Variants in CLCN2 observed in about 807,000 individuals in gnomAD.
CLCN2 encodes chloride voltage-gated channel 2.
Under a neutral mutation model 108.3 loss-of-function variants are expected in CLCN2, and 72 were observed. The ratio of observed to expected loss-of-function variants is 0.66; its 90% confidence interval spans 0.55 to 0.81. The LOEUF (loss-of-function observed/expected upper bound fraction) is 0.81, where lower values mean the gene tolerates loss of function less well. CLCN2 is among the 30% of genes least tolerant of loss of function. The pLI is 0.00. For synonymous variants in CLCN2, 471 were observed against 467.1 expected, an observed-to-expected ratio of 1.01 and a Z score of -0.11; for missense variants, 1,048 against 1,205.2, an observed-to-expected ratio of 0.87 and a Z score of 1.93.
intron 1 of CLCN2, among the ~76,000 whole-genome samples, chr3:184,360,939 G>A (rs1319161666): frequency 6.6e-6 from 1 of 152,252 alleles, no homozygotes; most frequent in African/African-American, 2.4e-5. Flanking sequence ...GCTGGGTGTG[G>A]AGCCTCCAGA....
chr3:184,357,794 A>G lies in CLCN2; in HGVS notation c.678T>C (p.Phe226=). The G allele has an allele frequency of 1.2e-6, 2 of 1,614,014 alleles. No homozygotes were observed. Among genetic ancestry groups the G allele is most frequent in the Non-Finnish European group, 1.7e-6 (2 of 1,180,014 alleles). The change falls in exon 6 of 24, where the codon TTT becomes TTC. Residue 226 remains phenylalanine, a synonymous_variant. Transcript: ENST00000265593. The part of the protein sequence containing the change: ...AALLSKFLSL[F]GGIYENESRN... ...TTCCCCTTACCTCATAGATACCCCCAAAGAGGGAGAGGAACTTGCTGAGAA... is the reference window on the plus strand; with the variant it reads ...TTCCCCTTACCTCATAGATACCCCCGAAGAGGGAGAGGAACTTGCTGAGAA...
At chr3:184,358,845 T>C (rs1173020129) in intron 2 of CLCN2, 32 bp from the exon 3 acceptor site, 1 of 1,613,916 alleles carries the variant, frequency 6.2e-7, no homozygotes, top group South Asian at 1.1e-5. Flanking sequence ...AGGGGGAGGA[T>C]GGCACCAAAG....
chr3:184,361,327 A>G lies in CLCN2; in HGVS notation c.63+90T>C. ...CAGCTCAAAATGCTAGGACAGGATTAGGGTAGGCCCCTGGTCCTCGCGCTT... is the reference window on the plus strand; with the variant it reads ...CAGCTCAAAATGCTAGGACAGGATTGGGGTAGGCCCCTGGTCCTCGCGCTT... On this transcript the variant is annotated intron_variant, in intron 1 of 23. Transcript: ENST00000265593. This position sits in a 1 kb window ranked among gnomAD's most constrained non-coding sequence, Gnocchi z 6.6. 1 of 1,315,182 alleles carries G rather than the reference A, an allele frequency of 7.6e-7. No homozygotes were observed. Among genetic ancestry groups the G allele is most frequent in the African/African-American group, 1.4e-5 (1 of 69,278 alleles). 81.5% of individuals were successfully genotyped at this position (1,315,182 alleles called of 1,614,324 possible).
At chr3:184,354,059 T>G (rs756597060) in intron 15 of CLCN2, 42 bp downstream of exon 15, 23 of 1,587,402 alleles carry the variant, frequency 1.4e-5, no homozygotes, top group Non-Finnish European at 1.9e-5. Flanking sequence ...GGATGCCCTC[T>G]GCCCTTCACC....
In CLCN2 at chr3:184,359,151, G is replaced by T. The variant is rs769764190; in HGVS notation, c.64-20C>A. 11 of 1,613,392 alleles carry T rather than the reference G, an allele frequency of 6.8e-6. No homozygotes were observed. The South Asian group carries it at 1.1e-4, about 16-fold the overall frequency. Reference sequence around the variant, plus strand: ...ATACATCTGGAGCAACAGAGGGGATGGGGGCATTCGAGGTCATGGGCTGAG... The same window carrying T: ...ATACATCTGGAGCAACAGAGGGGATTGGGGCATTCGAGGTCATGGGCTGAG... On this transcript the variant is annotated intron_variant, in intron 1 of 23. Transcript: ENST00000265593.
chr3:184,357,981 C>T lies in CLCN2; in HGVS notation c.596G>A (p.Gly199Glu), dbSNP rs863225248. Reference protein sequence around the residue: ...VIGLTCALGSGMPLGKEGPFV... With the variant: ...VIGLTCALGSEMPLGKEGPFV... ...AGTTACCTCTTTGCCAAGCGGCATC[C>T]CGCTGCCTAGGGCGCAGGTCAGCCC... is the stretch of plus-strand genomic sequence containing the variant. Residue 199 changes from glycine to glutamate, a missense_variant, in exon 5 of 24, where the codon GGG becomes GAG. By Grantham distance (98) the Gly-to-Glu change is moderately conservative. Coordinates refer to ENST00000265593, the MANE Select transcript of CLCN2 (RefSeq NM_004366.6). The T allele has an allele frequency of 1.1e-5, 18 of 1,613,946 alleles. No homozygotes were observed. The highest frequency in any genetic ancestry group is 1.5e-5 in the Non-Finnish European group (18 of 1,180,050).
In CLCN2 at chr3:184,361,356, A is replaced by T. The variant is rs1039184900; in HGVS notation, c.63+61T>A. ...TAGGCCCCTGGTCCTCGCGCTTCCC[A>T]GGGTAACCTGGAGCAGGGGTCCCGG... On this transcript the variant is annotated intron_variant, in intron 1 of 23. Transcript: ENST00000265593. The surrounding 1 kb of genome is among the most constrained non-coding windows in gnomAD (Gnocchi z 6.6). 2.9e-5 allele frequency: 46 copies of T among 1,564,370 alleles called. No individual in the cohort carries two copies. The Admixed American group carries it at 7.3e-4, about 25-fold the overall frequency.
chr3:184,360,508 C>G (rs751643927), intron 1 of CLCN2, among the ~76,000 whole-genome samples: 9 of 152,116 alleles, frequency 5.9e-5, no homozygotes, highest in Admixed American at 2.6e-4. Flanking sequence ...CCTGATTCAT[C>G]CAGCTACTTT....
chr3:184,357,485 C>T lies in CLCN2; in HGVS notation c.775G>A (p.Val259Ile), dbSNP rs757549500. Residue 259 changes from valine (V) to isoleucine (I), a missense_variant and splice_region_variant, in exon 8 of 24, where the codon GTC (valine) becomes ATC (isoleucine). Transcript: ENST00000265593. ...GCCFAAPIGGVLFSIEVTSTF... is the reference protein window; with the variant it reads ...GCCFAAPIGGILFSIEVTSTF... Reference sequence around the variant, plus strand: ...GAGGTGACCTCGATGCTGAAGAGGACGCCTGTGAGGGGGAGGGAGACCAGC... The same window carrying T: ...GAGGTGACCTCGATGCTGAAGAGGATGCCTGTGAGGGGGAGGGAGACCAGC... 19 of 1,614,042 alleles carry T rather than the reference C, an allele frequency of 1.2e-5. No individual in the cohort carries two copies. The highest frequency in any genetic ancestry group is 1.7e-5 in the Admixed American group (1 of 60,008).
chr3:184,348,829 T>TC (rs1727888743), intron 22 of CLCN2: 1 of 152,198 alleles, frequency 6.6e-6, no homozygotes, highest in Non-Finnish European at 1.5e-5. Flanking sequence ...CCCCTGACAG[T>TC]CACCAAGCCT....
At chr3:184,352,689 G>C (rs1373808076) in intron 19 of CLCN2, 48 bp downstream of exon 19, 1 of 1,590,254 alleles carries the variant, frequency 6.3e-7, no homozygotes, top group Non-Finnish European at 8.6e-7. Context: ...GCATTGGAGA[G>C]GGAGCTGGGG....
In CLCN2 at chr3:184,352,311, G is replaced by A. The variant is rs559717187; in HGVS notation, c.2292C>T (p.Gly764=). The change falls in exon 21 of 24, where the codon GGC becomes GGT. Residue 764 remains glycine (G), a synonymous_variant. Transcript: ENST00000265593. ...ACCTTACCTCTTCAGGGCTCATCTC[G>A]CCTTCCAGGTCCGCGTCACTCTAGT... is the stretch of plus-strand genomic sequence containing the variant. The part of the protein sequence containing the change: ...ISLASDADLE[G]EMSPEEILEW... The A allele has an allele frequency of 9.3e-6, 15 of 1,613,534 alleles. No homozygotes were observed. The highest frequency in any genetic ancestry group is 5.3e-5 in the African/African-American group (4 of 75,004).
chr3:184,351,592 G>A (rs1728099040), intron 22 of CLCN2, among the ~76,000 whole-genome samples: 1 of 152,162 alleles, frequency 6.6e-6, no homozygotes, highest in African/African-American at 2.4e-5. Context: ...ACCCCTACTT[G>A]GATGTTTGTT....
rs2108568189 is a variant in CLCN2 at position 184,355,416 on chromosome 3, A to T, written c.1284T>A (p.Arg428=). The T allele has an allele frequency of 6.2e-7, 1 of 1,613,998 alleles. No homozygotes were observed. Among genetic ancestry groups the T allele is most frequent in the East Asian group, 2.2e-5 (1 of 44,876 alleles). ...PSTSQAWNPP[R]ANVFLTLVIF... ...TGACCAGGGTGAGGAAGACGTTGGC[A>T]CGTGGTGGGTTCCAGGCCTGTGAGG... The change falls in exon 12 of 24, where the codon CGT becomes CGA. Residue 428 remains arginine, a synonymous_variant. Coordinates refer to ENST00000265593, the MANE Select transcript of CLCN2 (RefSeq NM_004366.6). This position sits in a 1 kb window ranked among gnomAD's most constrained non-coding sequence, Gnocchi z 6.3.
intron 2 of CLCN2, 51 bp from the exon 3 acceptor site, chr3:184,358,864 C>T (rs186745267): frequency 1.2e-6 from 2 of 1,613,496 alleles, no homozygotes; most frequent in East Asian, 4.5e-5. Flanking sequence ...AGTGCTCCTA[C>T]CCCTTTTACT....
At chr3:184,347,068 G>T in intron 22 of CLCN2, 47 bp from the exon 23 acceptor site, 3 of 1,526,662 alleles carry the variant, frequency 2.0e-6, no homozygotes, top group Non-Finnish European at 1.8e-6. Context: ...ACGAGGGGCA[G>T]CTCTAAATGA....
rs573491344 is a variant in CLCN2, at chr3:184,358,964, C to T, written c.220+11G>A. 6.2e-7 allele frequency: 1 copy of T among 1,613,550 alleles called. No individual in the cohort carries two copies. The highest frequency in any genetic ancestry group is 2.2e-5 in the East Asian group (1 of 44,884). ...CACAGCCAGGTCCCCTGCCCCCACC[C>T]CAGTTCTCACCGCGGCATCGGGCGC... On this transcript the variant is annotated intron_variant, in intron 2 of 23. Coordinates refer to ENST00000265593, the MANE Select transcript of CLCN2 (RefSeq NM_004366.6).
rs1311019667 is a variant in CLCN2 at position 184,346,483 on chromosome 3, G to A, written c.*123C>T. 2 of 1,135,090 alleles carry A rather than the reference G, an allele frequency of 1.8e-6. No homozygotes were observed. The highest frequency in any genetic ancestry group is 1.3e-5 in the South Asian group (1 of 77,990). The allele number at this position is 1,135,090 out of a possible 1,614,324, so 70.3% of individuals were successfully genotyped here. Reference sequence around the variant, plus strand: ...GAGAAGCTGGCACCCCAGGTCTGGAGGGGGCTGGGGTGCAGCCTCCAGCTG... The same window carrying A: ...GAGAAGCTGGCACCCCAGGTCTGGAAGGGGCTGGGGTGCAGCCTCCAGCTG... On this transcript the variant is annotated 3_prime_UTR_variant, in exon 24 of 24. Coordinates refer to ENST00000265593, the MANE Select transcript of CLCN2 (RefSeq NM_004366.6). This position sits in a 1 kb window ranked among gnomAD's most constrained non-coding sequence, Gnocchi z 6.0.
chr3:184,358,836 G>C, intron 2 of CLCN2, 23 bp from the exon 3 acceptor site: 2 of 1,613,958 alleles, frequency 1.2e-6, no homozygotes, highest in Non-Finnish European at 1.7e-6. Context: ...AAGGGAAGAA[G>C]GGGGAGGATG....
Sources: allele counts gnomAD v4.1 joint callset (sites outside exome capture counted in the v4.1 genomes callset), GRCh38; gene constraint gnomAD v4.1.1; non-coding constraint Gnocchi (gnomAD v3.1); transcripts MANE v1.5; gene names NCBI Gene and HGNC (gene_info 2026-07-23, HGNC 2026-07-21).